XYLT1: variants seen among roughly 807,000 people sequenced by gnomAD.
XYLT1 encodes xylosyltransferase 1, also known as beta-D-xylosyltransferase 1.
A neutral mutation model predicts 91.3 loss-of-function variants in XYLT1; 36 were observed. The observed-to-expected ratio is 0.39, with a 90% CI of 0.30 to 0.52. XYLT1 has a LOEUF of 0.52. XYLT1 is among the 20% of genes least tolerant of loss of function. The pLI, the probability that XYLT1 is intolerant of heterozygous loss-of-function variation, is 0.68. For missense variants in XYLT1, 1,242 were observed against 1,284.5 expected (o/e 0.97, Z 0.51); for synonymous variants, 588 against 532.0 (o/e 1.11, Z -1.45).
intron 1 of XYLT1, among the ~76,000 whole-genome samples, chr16:17,461,288 C>T (rs1279994990): frequency 6.6e-6 from 1 of 152,198 alleles, no homozygotes; most frequent in Non-Finnish European, 1.5e-5. Flanking sequence ...TCCCAGAGGA[C>T]ACCTCCCTTG....
At chr16:17,303,889 T>C (rs1458806128) in intron 2 of XYLT1, among the ~76,000 whole-genome samples, 1 of 152,194 alleles carries the variant, frequency 6.6e-6, no homozygotes, top group Non-Finnish European at 1.5e-5. Flanking sequence ...AAACACTGTG[T>C]ACATATGATT....
chr16:17,333,814 C>G (rs983557767), intron 2 of XYLT1, among the ~76,000 whole-genome samples: 10 of 151,972 alleles, frequency 6.6e-5, no homozygotes, highest in African/African-American at 2.4e-4. Context: ...TCTCGAACTC[C>G]TGACTTCAAG....
chr16:17,271,597 T>C (rs2141772980), intron 2 of XYLT1, among the ~76,000 whole-genome samples: 1 of 152,300 alleles, frequency 6.6e-6, no homozygotes, highest in South Asian at 2.1e-4. Context: ...GATAACTCTT[T>C]GTTTTAGGGG....
rs138720438 is a variant in XYLT1, at chr16:17,123,447, G to C, written c.2223+4219C>G. Among the ~76,000 whole-genome samples, 7 of 152,282 alleles carry C rather than the reference G, an allele frequency of 4.6e-5. No individual in the cohort carries two copies. In the East Asian group the frequency reaches 9.7e-4, roughly 21 times the overall value. ...TATCCCAGAAGTGTTGAATTCAGGA[G>C]CAAGTTATTTAGTTTCCATGTATTT... is the stretch of plus-strand genomic sequence containing the variant. On this transcript the variant is annotated intron_variant, in intron 10 of 11. Coordinates refer to ENST00000261381, the MANE Select transcript of XYLT1 (RefSeq NM_022166.4).
At chr16:17,319,618 T>A (rs1346560027) in intron 2 of XYLT1, among the ~76,000 whole-genome samples, 1 of 152,136 alleles carries the variant, frequency 6.6e-6, no homozygotes, top group African/African-American at 2.4e-5. Flanking sequence ...AGTTTTTGTA[T>A]TTTTAGTACA....
intron 1 of XYLT1, among the ~76,000 whole-genome samples, chr16:17,453,841 G>A (rs2036699769): frequency 6.6e-6 from 1 of 152,164 alleles, no homozygotes. Flanking sequence ...ATAAAGATAA[G>A]AGCGCTGTGG....
At chr16:17,338,759 A>G (rs953844297) in intron 2 of XYLT1, among the ~76,000 whole-genome samples, 1 of 152,090 alleles carries the variant, frequency 6.6e-6, no homozygotes, top group African/African-American at 2.4e-5. Flanking sequence ...TAATTTTTGC[A>G]TTTTTAGTAG....
chr16:17,363,986 C>G (rs1169088570), intron 1 of XYLT1, among the ~76,000 whole-genome samples: 3 of 152,160 alleles, frequency 2.0e-5, no homozygotes, highest in African/African-American at 7.2e-5. Flanking sequence ...GCTCAAATTT[C>G]CTTTTCTTAT....
At chr16:17,267,025 G>T (rs2033817556) in intron 2 of XYLT1, among the ~76,000 whole-genome samples, 1 of 152,238 alleles carries the variant, frequency 6.6e-6, no homozygotes, top group Non-Finnish European at 1.5e-5. Context: ...GCTGGACGCA[G>T]GCAGGCCCTG....
At chr16:17,228,520 G>A (rs2033106742) in intron 3 of XYLT1, among the ~76,000 whole-genome samples, 2 of 152,132 alleles carry the variant, frequency 1.3e-5, no homozygotes, top group Non-Finnish European at 2.9e-5. Context: ...CTGCTGTTGA[G>A]AATATGTCCT....
At chr16:17,385,278 A>ACAC (rs2035734455) in intron 1 of XYLT1, among the ~76,000 whole-genome samples, 1 of 142,434 alleles carries the variant, frequency 7.0e-6, no homozygotes, top group Non-Finnish European at 1.5e-5. Context: ...ATACACACAC[A>ACAC]CACACACACA....
At chr16:17,189,848 A>G (rs990736530) in intron 5 of XYLT1, among the ~76,000 whole-genome samples, 2 of 152,164 alleles carry the variant, frequency 1.3e-5, no homozygotes, top group Non-Finnish European at 2.9e-5. Context: ...GGAGTTCGAG[A>G]CCAGACTGAC....
In XYLT1 at chr16:17,248,194, A is replaced by C. The variant is rs549957463; in HGVS notation, c.913+10794T>G. Among the ~76,000 whole-genome samples, 4 of 152,258 alleles carry C rather than the reference A, an allele frequency of 2.6e-5. No homozygotes were observed. In the East Asian group the frequency reaches 5.8e-4, roughly 22 times the overall value. ...GAGATCAGATGGTTTTATAAAGAGGAATCTCCCTGCACAAGCTCTTTCTCT... is the reference window on the plus strand; with the variant it reads ...GAGATCAGATGGTTTTATAAAGAGGCATCTCCCTGCACAAGCTCTTTCTCT... On this transcript the variant is annotated intron_variant, in intron 3 of 11. Coordinates refer to ENST00000261381, the MANE Select transcript of XYLT1 (RefSeq NM_022166.4).
rs1395891710 is a variant in XYLT1, at chr16:17,183,036, CT to C, written c.1289+15175del. On this transcript the variant is annotated intron_variant, in intron 5 of 11. Transcript: ENST00000261381. ...AGTGTTGGCATCCTTGGGTGATCGG[CT>C]TTCCCTCCCTGGGGTCAACCACTTA... Among the ~76,000 whole-genome samples, 4 of 152,206 alleles carry C rather than the reference CT, an allele frequency of 2.6e-5. No individual in the cohort carries two copies. The East Asian group carries it at 7.7e-4, about 29-fold the overall frequency.
chr16:17,185,847 A>G lies in XYLT1; in HGVS notation c.1289+12365T>C, dbSNP rs576734957. On this transcript the variant is annotated intron_variant, in intron 5 of 11. Coordinates refer to ENST00000261381, the MANE Select transcript of XYLT1 (RefSeq NM_022166.4). Reference sequence around the variant, plus strand: ...GAAACCTTGTCTCTACTAAAAATACAAAAATCAGCCAGATGTGGTGGAGAG... The same window carrying G: ...GAAACCTTGTCTCTACTAAAAATACGAAAATCAGCCAGATGTGGTGGAGAG... Among the ~76,000 whole-genome samples the G allele has an allele frequency of 1.8e-3, 277 of 152,222 alleles. 1 individual carries two copies. Among genetic ancestry groups the G allele is most frequent in the Middle Eastern group, 0.01 (3 of 294 alleles).
chr16:17,269,649 G>A (rs1471611047), intron 2 of XYLT1, among the ~76,000 whole-genome samples: 1 of 152,090 alleles, frequency 6.6e-6, no homozygotes, highest in African/African-American at 2.4e-5. Context: ...GAGAGCAGGA[G>A]CCACACTTCA....
At chr16:17,329,795 G>T (rs1005802237) in intron 2 of XYLT1, among the ~76,000 whole-genome samples, 7 of 152,186 alleles carry the variant, frequency 4.6e-5, no homozygotes, top group Admixed American at 3.9e-4. Context: ...ACAGGGAGGG[G>T]CACCAGGCTT....
intron 3 of XYLT1, among the ~76,000 whole-genome samples, chr16:17,258,222 G>C (rs1213611357): frequency 6.6e-6 from 1 of 150,828 alleles, no homozygotes; most frequent in Non-Finnish European, 1.5e-5. Context: ...AGGGAGGAGA[G>C]AAAAATTAGG....
chr16:17,292,655 G>A (rs1028023643), intron 2 of XYLT1, among the ~76,000 whole-genome samples: 3 of 152,216 alleles, frequency 2.0e-5, no homozygotes, highest in Admixed American at 6.5e-5. Context: ...GGTAGGAGAC[G>A]ATGCCACCAG....
Sources: allele counts gnomAD v4.1 joint callset (sites outside exome capture counted in the v4.1 genomes callset), GRCh38; gene constraint gnomAD v4.1.1; transcripts MANE v1.5; gene names NCBI Gene and HGNC (gene_info 2026-07-23, HGNC 2026-07-21).